AFDN: variants seen among roughly 807,000 people sequenced by gnomAD.
The protein encoded by AFDN is afadin.
AFDN carries 68 observed loss-of-function variants against 216.6 expected under a neutral mutation model. The observed-to-expected ratio is 0.31, with a 90% CI of 0.26 to 0.38. The LOEUF is 0.38. Among genes scored for constraint, AFDN ranks in the 10% least tolerant of loss-of-function variants. The pLI is 1.00. For missense variants in AFDN, 2,136 were observed against 2,342.0 expected, an observed-to-expected ratio of 0.91 and a Z score of 1.82; for synonymous variants, 868 against 853.7, an observed-to-expected ratio of 1.02 and a Z score of -0.29.
At chr6:167,925,359 T>G (rs1343168350) in intron 23 of AFDN, among the ~76,000 whole-genome samples, 2 of 152,124 alleles carry the variant, frequency 1.3e-5, no homozygotes, top group African/African-American at 2.4e-5. Flanking sequence ...AGGAAACAAT[T>G]TAAAGGCATA....
chr6:167,895,873 G>A (rs943068465), intron 9 of AFDN, among the ~76,000 whole-genome samples: 3 of 152,168 alleles, frequency 2.0e-5, no homozygotes, highest in African/African-American at 7.2e-5. Context: ...TTACTGGTTT[G>A]GCCTTTTCCT....
chr6:167,924,591 C>T (rs1050279500), intron 22 of AFDN, among the ~76,000 whole-genome samples: 1 of 152,100 alleles, frequency 6.6e-6, no homozygotes, highest in African/African-American at 2.4e-5. Context: ...CAGTCCTCCC[C>T]GTGGATAGTG....
intron 1 of AFDN, among the ~76,000 whole-genome samples, chr6:167,839,733 C>T (rs1780845926): frequency 6.6e-6 from 1 of 152,184 alleles, no homozygotes; most frequent in Admixed American, 6.5e-5. Context: ...GCATGTGACA[C>T]TTAATTGACA....
Position 167,903,497 on chromosome 6 carries a change from G to A in AFDN, c.1650+1111G>A, listed in dbSNP as rs935052310. ...TTAGGCCCAGAACTGACACAACCCC[G>A]TTTCCTCCACCTTTCATTGGTTGAA... On this transcript the variant is annotated intron_variant, in intron 12 of 33. Coordinates refer to ENST00000683244, the MANE Select transcript of AFDN (RefSeq NM_001386888.1). 2.6e-5 allele frequency among the ~76,000 whole-genome samples: 4 copies of A among 152,160 alleles called. No individual in the cohort carries two copies. The East Asian group carries it at 7.7e-4, about 29-fold the overall frequency.
intron 1 of AFDN, among the ~76,000 whole-genome samples, chr6:167,850,189 G>A (rs1178171450): frequency 3.3e-5 from 5 of 152,114 alleles, no homozygotes; most frequent in African/African-American, 1.2e-4. Context: ...GGCAGTAATA[G>A]TCATGTTACT....
At chr6:167,954,520 T>C (rs1356490016) in intron 30 of AFDN, 1 of 1,596,428 alleles carries the variant, frequency 6.3e-7, no homozygotes, top group Non-Finnish European at 8.5e-7. Context: ...TTCCCTTTGG[T>C]ACTTTTTTCC....
At chr6:167,843,489 G>T (rs137893392) in intron 1 of AFDN, among the ~76,000 whole-genome samples, 329 of 152,316 alleles carry the variant, frequency 2.2e-3, no homozygotes, top group Middle Eastern at 0.017. Flanking sequence ...GCTCTTTGAG[G>T]ACAGAGACCA....
intron 1 of AFDN, among the ~76,000 whole-genome samples, chr6:167,833,889 T>C (rs1043535705): frequency 1.3e-5 from 2 of 152,210 alleles, no homozygotes; most frequent in African/African-American, 2.4e-5. Context: ...CTTTCAAATA[T>C]GTTATTTTAA....
At chr6:167,955,650 T>C (rs1796428339) in intron 30 of AFDN, among the ~76,000 whole-genome samples, 1 of 152,194 alleles carries the variant, frequency 6.6e-6, no homozygotes, top group East Asian at 1.9e-4. Flanking sequence ...CTGTGACACA[T>C]GAACAGTAAA....
At chr6:167,921,490 T>G (rs906485161) in intron 21 of AFDN, among the ~76,000 whole-genome samples, 16 of 152,232 alleles carry the variant, frequency 1.1e-4, no homozygotes, top group African/African-American at 3.4e-4. Context: ...ACAAGCTGAT[T>G]AAAGAATTAC....
Position 167,971,455 on chromosome 6 carries a change from T to G in AFDN, c.*1520T>G, listed in dbSNP as rs1182467856. The G allele has an allele frequency of 5.1e-6, 1 of 196,226 alleles. No individual in the cohort carries two copies. Among genetic ancestry groups the G allele is most frequent in the Non-Finnish European group, 1.1e-5 (1 of 94,838 alleles). 12.2% of individuals were successfully genotyped at this position (196,226 alleles called of 1,614,324 possible). ...TTTTTTTTTACCTCTATCAGGGTTT[T>G]TATTTGAAAGTGTGCTCTTACCATT... On this transcript the variant is annotated 3_prime_UTR_variant, in exon 34 of 34. Coordinates refer to ENST00000683244, the MANE Select transcript of AFDN (RefSeq NM_001386888.1).
intron 1 of AFDN, among the ~76,000 whole-genome samples, chr6:167,837,032 GT>G (rs1780519156): frequency 6.6e-6 from 1 of 152,052 alleles, no homozygotes; most frequent in Non-Finnish European, 1.5e-5. Flanking sequence ...AATTAAAGTG[GT>G]TTTTGTGACA....
chr6:167,948,163 A>G, intron 28 of AFDN, 130 bp from the exon 29 acceptor site: 5 of 849,780 alleles, frequency 5.9e-6, no homozygotes, highest in Admixed American at 3.0e-5. Context: ...TATTCTCAGT[A>G]TGGATCAAAC....
intron 21 of AFDN, among the ~76,000 whole-genome samples, chr6:167,922,241 C>A (rs1791918349): frequency 6.6e-6 from 1 of 152,174 alleles, no homozygotes; most frequent in Non-Finnish European, 1.5e-5. Flanking sequence ...CAAAGCATGT[C>A]ATTTGTCCCT....
At chr6:167,943,374 C>T (rs557628537) in intron 24 of AFDN, 28 bp from the exon 25 acceptor site, 46 of 1,605,082 alleles carry the variant, frequency 2.9e-5, no homozygotes, top group Non-Finnish European at 3.8e-5. Flanking sequence ...TACCCCTAAT[C>T]CATGCACACA....
intron 5 of AFDN, among the ~76,000 whole-genome samples, chr6:167,876,565 A>G (rs1170881339): frequency 6.6e-6 from 1 of 152,220 alleles, no homozygotes; most frequent in Non-Finnish European, 1.5e-5. Flanking sequence ...GGCACTTTGT[A>G]TGCTGTAAGA....
In AFDN at chr6:167,965,954, C is replaced by T. The variant is rs1797507985; in HGVS notation, c.5166C>T (p.Leu1722=). ...PPPPQRNASY[L]KTQVLSPDSL... ...CGCCTCAGCGAAACGCCTCCTACCT[C>T]AAAACACAGGTCCTCTCCCCCGACT... Residue 1722 remains leucine, a synonymous_variant, in exon 32 of 34, where the codon CTC becomes CTT. Transcript: ENST00000683244. 5 of 1,551,180 alleles carry T rather than the reference C, an allele frequency of 3.2e-6. No individual in the cohort carries two copies. The highest frequency in any genetic ancestry group is 1.4e-5 in the African/African-American group (1 of 73,140).
At chr6:167,852,146 A>T (rs925496989) in intron 1 of AFDN, among the ~76,000 whole-genome samples, 1 of 152,196 alleles carries the variant, frequency 6.6e-6, no homozygotes, top group African/African-American at 2.4e-5. Context: ...TAATCTCATT[A>T]ACAAAATTAG....
At chr6:167,889,384 TC>T in intron 7 of AFDN, 58 bp downstream of exon 7, 1 of 1,138,968 alleles carries the variant, frequency 8.8e-7, no homozygotes, top group Non-Finnish European at 1.3e-6. Flanking sequence ...TACCAGGTGT[TC>T]ACCTTATCAC....
Sources: allele counts gnomAD v4.1 joint callset (sites outside exome capture counted in the v4.1 genomes callset), GRCh38; gene constraint gnomAD v4.1.1; transcripts MANE v1.5; gene names NCBI Gene and HGNC (gene_info 2026-07-23, HGNC 2026-07-21).